The following CTNNA3 variants were observed in gnomAD, a reference collection of about 807,000 sequenced individuals.
CTNNA3 encodes the protein catenin alpha 3.
In CTNNA3, 76 loss-of-function variants were observed where a neutral mutation model predicts 95.7. The observed-to-expected ratio is 0.79, with a 90% confidence interval of 0.66 to 0.96. CTNNA3 has a LOEUF of 0.96. Among genes scored for constraint, CTNNA3 ranks in the 40% least tolerant of loss-of-function variants. CTNNA3 has a pLI of 0.00. For synonymous variants in CTNNA3, 431 were observed against 374.4 expected (o/e 1.15, Z -1.74); for missense variants, 1,191 against 1,089.8 (o/e 1.09, Z -1.31).
chr10:67,687,307 A>G (rs1331874948), intron 1 of CTNNA3, among the ~76,000 whole-genome samples: 1 of 152,108 alleles, frequency 6.6e-6, no homozygotes, highest in African/African-American at 2.4e-5. Context: ...GGCCCAGAGA[A>G]CCATTGTACT....
intron 5 of CTNNA3, among the ~76,000 whole-genome samples, chr10:67,361,506 C>T (rs1352837861): frequency 6.6e-6 from 1 of 152,148 alleles, no homozygotes; most frequent in African/African-American, 2.4e-5. Context: ...AATTAGACAA[C>T]TTGTTCCTGG....
chr10:66,903,259 A>G (rs1173906429), intron 7 of CTNNA3, among the ~76,000 whole-genome samples: 1 of 152,226 alleles, frequency 6.6e-6, no homozygotes, highest in Non-Finnish European at 1.5e-5. Flanking sequence ...TCACATAAAC[A>G]GAACCAACGA....
intron 12 of CTNNA3, among the ~76,000 whole-genome samples, chr10:66,360,662 C>CTTTCTTTCTTT (rs1564896285): frequency 3.7e-5 from 1 of 26,794 alleles, no homozygotes; most frequent in Non-Finnish European, 9.4e-5. Flanking sequence ...TTTCTTTCTT[C>CTTTCTTTCTTT]CTTCCTTCCT....
At chr10:66,695,372 T>C (rs1318766398) in intron 9 of CTNNA3, among the ~76,000 whole-genome samples, 5 of 152,156 alleles carry the variant, frequency 3.3e-5, no homozygotes. Flanking sequence ...GGAGCCTTAG[T>C]TTTCTCTCCA....
chr10:67,700,621 T>A (rs999543199), upstream of CTNNA3, among the ~76,000 whole-genome samples: 27 of 152,184 alleles, frequency 1.8e-4, no homozygotes, highest in South Asian at 8.3e-4. Context: ...CAAAAACCCA[T>A]CTGTACATCA....
chr10:66,162,695 T>C (rs976898312), intron 13 of CTNNA3, among the ~76,000 whole-genome samples: 2 of 152,140 alleles, frequency 1.3e-5, no homozygotes, highest in Non-Finnish European at 2.9e-5. Flanking sequence ...GGCCTCCTGC[T>C]GGGAGGTGGC....
chr10:65,965,274 G>C (rs188535446), intron 17 of CTNNA3, among the ~76,000 whole-genome samples: 1 of 152,016 alleles, frequency 6.6e-6, no homozygotes, highest in East Asian at 1.9e-4. Context: ...TATGACATTG[G>C]GAAAGCTATA....
chr10:67,582,828 T>G (rs1238075757), intron 3 of CTNNA3, among the ~76,000 whole-genome samples: 2 of 152,162 alleles, frequency 1.3e-5, no homozygotes, highest in Admixed American at 1.3e-4. Context: ...CTTCTTTGTC[T>G]CTTTTGATCT....
At chr10:66,453,974 G>A (rs2093480142) in intron 11 of CTNNA3, among the ~76,000 whole-genome samples, 1 of 152,110 alleles carries the variant, frequency 6.6e-6, no homozygotes, top group Non-Finnish European at 1.5e-5. Context: ...CTAAAGATAG[G>A]GAGCTTATCC....
chr10:67,079,577 C>T (rs763534518), intron 7 of CTNNA3, among the ~76,000 whole-genome samples: 1 of 152,080 alleles, frequency 6.6e-6, no homozygotes. Flanking sequence ...CAGCCCAGCG[C>T]GGTGGCTCAT....
rs188760369 is a variant in CTNNA3 at position 66,151,716 on chromosome 10, C to A, written c.1885-48467G>T. Among the ~76,000 whole-genome samples the A allele has an allele frequency of 1.2e-4, 18 of 152,044 alleles. No homozygotes were observed. The East Asian group carries it at 3.3e-3, about 28-fold the overall frequency. On this transcript the variant is annotated intron_variant, in intron 13 of 17. Coordinates refer to ENST00000433211, the MANE Select transcript of CTNNA3 (RefSeq NM_013266.4). ...ACAAGCTCATCCCTAAGGATGATAT[C>A]ATGCACCTTCCTAATAACTTTAAAT...
intron 1 of CTNNA3, chr10:67,751,124 G>C: frequency 7.4e-7 from 1 of 1,357,822 alleles, no homozygotes; most frequent in Non-Finnish European, 1.1e-6. Flanking sequence ...ACTTTACATT[G>C]AATGATGAGG....
intron 9 of CTNNA3, among the ~76,000 whole-genome samples, chr10:66,733,098 G>T (rs1034957457): frequency 6.7e-6 from 1 of 150,244 alleles, no homozygotes. Context: ...ACCTGGTCAA[G>T]TCATACCTTT....
At chr10:66,267,029 G>T (rs1564826975) in intron 13 of CTNNA3, among the ~76,000 whole-genome samples, 1 of 151,930 alleles carries the variant, frequency 6.6e-6, no homozygotes, top group Non-Finnish European at 1.5e-5. Flanking sequence ...CTTCTCTCTT[G>T]CTTAAAGAAT....
intron 2 of CTNNA3, among the ~76,000 whole-genome samples, chr10:67,626,736 CTT>C (rs1338025472): frequency 6.6e-6 from 1 of 152,008 alleles, no homozygotes; most frequent in Non-Finnish European, 1.5e-5. Flanking sequence ...ATCTATTTGA[CTT>C]TTGTATACAT....
At chr10:66,716,294 C>T (rs1234166573) in intron 9 of CTNNA3, among the ~76,000 whole-genome samples, 1 of 152,028 alleles carries the variant, frequency 6.6e-6, no homozygotes, top group Non-Finnish European at 1.5e-5. Flanking sequence ...GAAAACAATC[C>T]TCGATTCTGC....
At chr10:66,863,821 T>C (rs80046758) in intron 7 of CTNNA3, among the ~76,000 whole-genome samples, 1,698 of 152,184 alleles carry the variant, frequency 0.011, 22 homozygotes, top group Middle Eastern at 0.037. Flanking sequence ...AGTGATCTGG[T>C]GTGGACATAG....
At chr10:67,655,284 A>G (rs967532203) in intron 1 of CTNNA3, among the ~76,000 whole-genome samples, 1 of 152,190 alleles carries the variant, frequency 6.6e-6, no homozygotes, top group Admixed American at 6.5e-5. Flanking sequence ...TTCACAGTGG[A>G]TCTCATTTAG....
At chr10:66,078,756 C>T (rs1240309514) in intron 14 of CTNNA3, among the ~76,000 whole-genome samples, 2 of 151,768 alleles carry the variant, frequency 1.3e-5, no homozygotes, top group African/African-American at 4.8e-5. Flanking sequence ...TGCTGATATA[C>T]TTTTTGTCTT....
Sources: gnomAD v4.1 joint callset for allele counts (sites outside exome capture counted in the v4.1 genomes callset) on GRCh38, gnomAD v4.1.1 for gene constraint, MANE v1.5 for transcripts, NCBI Gene and HGNC (gene_info 2026-07-23, HGNC 2026-07-21) for gene names.